Variants in MORC3 observed in about 807,000 individuals in gnomAD.
MORC3 encodes MORC family CW-type zinc finger protein 3.
MORC3 carries 31 observed loss-of-function variants against 109.1 expected under a neutral mutation model. That is an observed-to-expected ratio of 0.28 (90% confidence interval 0.21 to 0.38). The LOEUF (loss-of-function observed/expected upper bound fraction) is 0.38, where lower values mean the gene tolerates loss of function less well. Among genes scored for constraint, MORC3 ranks in the 10% least tolerant of loss-of-function variants. MORC3 has a pLI of 1.00. For missense variants in MORC3, 867 were observed against 1,135.8 expected (o/e 0.76, Z 3.40); for synonymous variants, 395 against 380.7 (o/e 1.04, Z -0.44).
intron 10 of MORC3, 51 bp downstream of exon 10, chr21:36,356,775 A>G (rs1314767515): frequency 8.4e-7 from 1 of 1,187,564 alleles, no homozygotes; most frequent in Non-Finnish European, 1.2e-6. Flanking sequence ...AAGATGTGGT[A>G]TTAGAGAGTA....
intron 14 of MORC3, among the ~76,000 whole-genome samples, 173 bp from the exon 15 acceptor site, chr21:36,368,815 T>C (rs2085811686): frequency 6.6e-6 from 1 of 152,224 alleles, no homozygotes; most frequent in Admixed American, 6.5e-5. Context: ...AGGCAGAGGT[T>C]GCAGTGAGCC....
At position 36,320,222 on chromosome 21, in the gene MORC3, G is replaced by C. The variant is rs751357440; in HGVS notation, c.-43G>C. The C allele has an allele frequency of 6.4e-7, 1 of 1,565,728 alleles. No homozygotes were observed. The highest frequency in any genetic ancestry group is 1.9e-5 in the Admixed American group (1 of 52,446). On this transcript the variant is annotated 5_prime_UTR_variant, in exon 1 of 17. Coordinates refer to ENST00000400485, the MANE Select transcript of MORC3 (RefSeq NM_015358.3). ...ACAGTCGTTCCGCCACCTCCCAGTC[G>C]GGTTGCGGCGGAGGCCGTTCCTGGC... is the stretch of plus-strand genomic sequence containing the variant.
intron 6 of MORC3, among the ~76,000 whole-genome samples, chr21:36,342,563 C>T (rs886237257): frequency 2.6e-5 from 4 of 151,986 alleles, no homozygotes; most frequent in South Asian, 2.1e-4. Flanking sequence ...CCACCACACC[C>T]GGCTATTTTT....
chr21:36,365,072 A>G (rs952850075), intron 14 of MORC3, among the ~76,000 whole-genome samples: 16 of 151,042 alleles, frequency 1.1e-4, no homozygotes, highest in East Asian at 9.7e-4. Context: ...AAAAAAAAAC[A>G]TGAAGCAATT....
At chr21:36,358,733 G>A (rs184003170) in intron 10 of MORC3, among the ~76,000 whole-genome samples, 109 of 151,874 alleles carry the variant, frequency 7.2e-4, no homozygotes, top group African/African-American at 2.4e-3. Flanking sequence ...AGGCTGGAGT[G>A]CAGTGGCGCA....
intron 9 of MORC3, among the ~76,000 whole-genome samples, chr21:36,355,169 A>G (rs547861258): frequency 6.6e-6 from 1 of 152,260 alleles, no homozygotes; most frequent in Non-Finnish European, 1.5e-5. Flanking sequence ...GCTGTGTGTA[A>G]TGAGCCTTAA....
intron 12 of MORC3, among the ~76,000 whole-genome samples, chr21:36,361,389 C>T (rs1041674633): frequency 1.3e-5 from 2 of 150,400 alleles, no homozygotes; most frequent in Non-Finnish European, 3.0e-5. Flanking sequence ...ACTAAAAATA[C>T]AAAAATTAGC....
chr21:36,323,334 CTT>C (rs1287659690), intron 1 of MORC3, among the ~76,000 whole-genome samples: 4 of 152,170 alleles, frequency 2.6e-5, no homozygotes, highest in Non-Finnish European at 5.9e-5. Context: ...CATTTAACCT[CTT>C]TGTGCCAGAG....
intron 1 of MORC3, among the ~76,000 whole-genome samples, chr21:36,325,516 A>C (rs777940603): frequency 3.3e-5 from 5 of 152,252 alleles, no homozygotes; most frequent in Admixed American, 6.5e-5. Flanking sequence ...TCAATTCAGT[A>C]GTGCTAAGTA....
intron 9 of MORC3, among the ~76,000 whole-genome samples, chr21:36,353,990 G>A (rs929156287): frequency 6.6e-6 from 1 of 151,402 alleles, no homozygotes; most frequent in African/African-American, 2.4e-5. Flanking sequence ...AGAAACACTT[G>A]AACCCAGGAG....
chr21:36,350,535 C>T lies in MORC3; in HGVS notation c.1103+1127C>T, dbSNP rs565243509. On this transcript the variant is annotated intron_variant, in intron 9 of 16. Transcript: ENST00000400485. Reference sequence around the variant, plus strand: ...TTCCCGCGCTGGTGACAGAAGACACCCTGCCTCAAAAAAAAAAAAAAAAAA... The same window carrying T: ...TTCCCGCGCTGGTGACAGAAGACACTCTGCCTCAAAAAAAAAAAAAAAAAA... Among the ~76,000 whole-genome samples, 231 of 117,902 alleles carry T rather than the reference C, an allele frequency of 2.0e-3. 1 individual carries two copies. Among genetic ancestry groups the T allele is most frequent in the Non-Finnish European group, 2.7e-3 (159 of 58,758 alleles). 77.3% of individuals were successfully genotyped at this position (117,902 alleles called of 152,430 possible).
chr21:36,338,965 A>ACGTG (rs763651793), intron 5 of MORC3, 44 bp downstream of exon 5: 3 of 1,597,640 alleles, frequency 1.9e-6, no homozygotes, highest in Non-Finnish European at 2.6e-6. Flanking sequence ...AGTAAAGTGC[A>ACGTG]CGTGCAGGGT....
chr21:36,341,646 G>A, intron 6 of MORC3, 100 bp downstream of exon 6: 1 of 1,497,216 alleles, frequency 6.7e-7, no homozygotes, highest in Non-Finnish European at 9.1e-7. Flanking sequence ...GGCTGCCAGT[G>A]CTCTCTAAAT....
chr21:36,340,722 CG>C (rs1349043790), intron 5 of MORC3, among the ~76,000 whole-genome samples: 1 of 151,134 alleles, frequency 6.6e-6, no homozygotes, highest in Non-Finnish European at 1.5e-5. Flanking sequence ...CTGCAACCTC[CG>C]CCCACCGGGT....
At chr21:36,345,832 C>T (rs978961635) in intron 8 of MORC3, among the ~76,000 whole-genome samples, 3 of 151,920 alleles carry the variant, frequency 2.0e-5, no homozygotes, top group Non-Finnish European at 2.9e-5. Context: ...GCTGGGATTA[C>T]AGGTGTGAGC....
At chr21:36,346,596 C>G (rs1291327543) in intron 8 of MORC3, among the ~76,000 whole-genome samples, 1 of 151,880 alleles carries the variant, frequency 6.6e-6, no homozygotes, top group Non-Finnish European at 1.5e-5. Flanking sequence ...ATTGCTTGAG[C>G]CCAGGAGTTC....
chr21:36,374,691 A>G (rs951834656), intron 16 of MORC3, among the ~76,000 whole-genome samples: 5 of 152,144 alleles, frequency 3.3e-5, no homozygotes, highest in Non-Finnish European at 5.9e-5. Flanking sequence ...GCTACTCAGG[A>G]GGCTGAGGTG....
At chr21:36,359,802 G>A (rs117616951) in intron 10 of MORC3, among the ~76,000 whole-genome samples, 153 bp from the exon 11 acceptor site, 4,055 of 152,182 alleles carry the variant, frequency 0.027, 74 homozygotes, top group Admixed American at 0.048. Flanking sequence ...GGCATGAGCC[G>A]TCGCACCCAG....
At position 36,361,486 on chromosome 21, in the gene MORC3, T is replaced by C. The variant is rs576640326; in HGVS notation, c.1407-697T>C. 7.6e-5 allele frequency among the ~76,000 whole-genome samples: 10 copies of C among 131,526 alleles called. No individual in the cohort carries two copies. In the South Asian group the frequency reaches 2.1e-3, roughly 27 times the overall value. 86.3% of individuals were successfully genotyped at this position (131,526 alleles called of 152,430 possible). On this transcript the variant is annotated intron_variant, in intron 12 of 16. Transcript: ENST00000400485. ...TGCACCCAGGAGGCAGAGATTGTAG[T>C]GAGCCGAGCACACCACTGCATTCCA...
Sources: gnomAD v4.1 joint callset for allele counts (sites outside exome capture counted in the v4.1 genomes callset) on GRCh38, gnomAD v4.1.1 for gene constraint, MANE v1.5 for transcripts, NCBI Gene and HGNC (gene_info 2026-07-23, HGNC 2026-07-21) for gene names.